Variants in CSMD1 observed in about 807,000 individuals in gnomAD.
The protein encoded by CSMD1 is CUB and sushi domain-containing protein 1.
Under a neutral mutation model 417.5 loss-of-function variants are expected in CSMD1, and 213 were observed. That is an observed-to-expected ratio of 0.51 (90% CI 0.46 to 0.57). The LOEUF is 0.57. Ranked by LOEUF, CSMD1 falls within the 20% of genes least tolerant of loss-of-function variation. The pLI is 0.00. For missense variants in CSMD1, 6,923 were observed against 4,529.7 expected (o/e 1.53, Z -15.17); for synonymous variants, 2,862 against 1,736.8 (o/e 1.65, Z -16.11).
At chr8:3,621,305 T>G (rs1304675423) in intron 7 of CSMD1, among the ~76,000 whole-genome samples, 1 of 152,088 alleles carries the variant, frequency 6.6e-6, no homozygotes, top group Admixed American at 6.6e-5. Context: ...AGTTAATAAG[T>G]AACAGAATGC....
At chr8:4,961,238 G>A (rs1467982287) in intron 1 of CSMD1, among the ~76,000 whole-genome samples, 1 of 151,898 alleles carries the variant, frequency 6.6e-6, no homozygotes, top group East Asian at 1.9e-4. Flanking sequence ...TAACACTTCT[G>A]CAGTTATATA....
In CSMD1 at chr8:4,850,573, C is replaced by T. The variant is rs79695712; in HGVS notation, c.85+143759G>A. On this transcript the variant is annotated intron_variant, in intron 1 of 69. Transcript: ENST00000635120. ...CCAGCACTCTCTCCCAGGACTTCAG[C>T]GAAGTAGAAATCCTTCATCCTCTCT... 7.4e-3 allele frequency among the ~76,000 whole-genome samples: 1,133 copies of T among 152,082 alleles called. 16 individuals are homozygous for T. The highest frequency in any genetic ancestry group is 0.026 in the African/African-American group (1,069 of 41,466).
At chr8:4,346,905 C>G (rs1800806492) in intron 3 of CSMD1, among the ~76,000 whole-genome samples, 1 of 152,066 alleles carries the variant, frequency 6.6e-6, no homozygotes, top group Admixed American at 6.6e-5. Context: ...CCTGGCTGGA[C>G]CTCAATCTTT....
chr8:3,248,615 C>T (rs1269023201), intron 26 of CSMD1, among the ~76,000 whole-genome samples: 1 of 139,848 alleles, frequency 7.2e-6, no homozygotes, highest in Admixed American at 8.2e-5. Context: ...CTGCAAGTTC[C>T]ACCTCCTGGG....
At chr8:3,593,826 C>T (rs952675651) in intron 8 of CSMD1, among the ~76,000 whole-genome samples, 3 of 152,128 alleles carry the variant, frequency 2.0e-5, no homozygotes, top group African/African-American at 7.2e-5. Context: ...ATCTCTTTCT[C>T]CCTATCTCCC....
intron 25 of CSMD1, among the ~76,000 whole-genome samples, chr8:3,302,718 C>A (rs1324727049): frequency 6.6e-6 from 1 of 152,134 alleles, no homozygotes; most frequent in Non-Finnish European, 1.5e-5. Context: ...TGATGATGTG[C>A]CTCGTTATCC....
At chr8:4,568,367 A>G (rs1299150442) in intron 2 of CSMD1, among the ~76,000 whole-genome samples, 1 of 152,134 alleles carries the variant, frequency 6.6e-6, no homozygotes, top group African/African-American at 2.4e-5. Flanking sequence ...GACTGAGAAC[A>G]TGCGTTGTTT....
At chr8:3,692,264 T>C (rs1800290778) in intron 7 of CSMD1, among the ~76,000 whole-genome samples, 1 of 152,146 alleles carries the variant, frequency 6.6e-6, no homozygotes, top group Non-Finnish European at 1.5e-5. Flanking sequence ...TATCCTGCGA[T>C]TTCACCAGCA....
At position 4,065,433 on chromosome 8, in the gene CSMD1, A is replaced by T. The variant is rs544247907; in HGVS notation, c.416-33334T>A. Among the ~76,000 whole-genome samples the T allele has an allele frequency of 1.2e-4, 19 of 152,344 alleles. 1 individual carries two copies. In the South Asian group the frequency reaches 3.9e-3, roughly 32 times the overall value. ...TGTAAAACTTCTAGAGAATAATTGA[A>T]TCAATATAATAGGAAATTTGGCTTT... On this transcript the variant is annotated intron_variant, in intron 3 of 69. Coordinates refer to ENST00000635120, the MANE Select transcript of CSMD1 (RefSeq NM_033225.6).
At chr8:3,806,989 G>A (rs1427926473) in intron 5 of CSMD1, among the ~76,000 whole-genome samples, 3 of 152,142 alleles carry the variant, frequency 2.0e-5, no homozygotes, top group East Asian at 3.9e-4. Context: ...GCTACTAGGT[G>A]CCAGATAAAA....
At chr8:4,415,067 CT>C (rs961328752) in intron 3 of CSMD1, among the ~76,000 whole-genome samples, 44 of 152,100 alleles carry the variant, frequency 2.9e-4, no homozygotes, top group African/African-American at 1.0e-3. Context: ...AGTAATTCAG[CT>C]TTTTTTGCAA....
chr8:3,432,354 C>G (rs181153118), intron 12 of CSMD1, among the ~76,000 whole-genome samples: 5 of 152,168 alleles, frequency 3.3e-5, no homozygotes, highest in African/African-American at 1.2e-4. Flanking sequence ...TTAGCATTGT[C>G]AAGTGATGAA....
intron 3 of CSMD1, among the ~76,000 whole-genome samples, chr8:4,164,037 G>C (rs1426990295): frequency 6.6e-6 from 1 of 152,116 alleles, no homozygotes; most frequent in Non-Finnish European, 1.5e-5. Flanking sequence ...GTTGGTACAT[G>C]TGTCATTCCC....
At chr8:4,598,184 G>A (rs536983811) in intron 2 of CSMD1, among the ~76,000 whole-genome samples, 30 of 152,210 alleles carry the variant, frequency 2.0e-4, no homozygotes, top group African/African-American at 5.8e-4. Flanking sequence ...TTTGTAAAAC[G>A]GAATTATCAT....
intron 2 of CSMD1, among the ~76,000 whole-genome samples, chr8:4,530,314 C>CTTTTTTTTTTTGTTTTTTTTTTTTTTT (rs1796739908): frequency 2.1e-5 from 1 of 46,658 alleles, no homozygotes. Context: ...ACAGGTAGTG[C>CTTTTTTTTTTTGTTTTTTTTTTTTTTT]TTTTTTTTTT....
At chr8:3,972,988 A>C (rs1442289067) in intron 5 of CSMD1, among the ~76,000 whole-genome samples, 1 of 152,266 alleles carries the variant, frequency 6.6e-6, no homozygotes, top group Non-Finnish European at 1.5e-5. Context: ...AAAAACATTT[A>C]CTGCTTAAAT....
intron 3 of CSMD1, among the ~76,000 whole-genome samples, chr8:4,111,820 G>A (rs1801872963): frequency 1.3e-5 from 2 of 152,060 alleles, no homozygotes; most frequent in Non-Finnish European, 1.5e-5. Context: ...TACATATGGG[G>A]CTTGAATCCT....
chr8:3,937,743 A>G (rs1810604522), intron 5 of CSMD1, among the ~76,000 whole-genome samples: 1 of 152,160 alleles, frequency 6.6e-6, no homozygotes, highest in Non-Finnish European at 1.5e-5. Flanking sequence ...CAGGTACGAT[A>G]TTACTGATTA....
chr8:3,499,587 G>GCATA (rs1274497455), intron 10 of CSMD1, among the ~76,000 whole-genome samples: 1 of 152,058 alleles, frequency 6.6e-6, no homozygotes, highest in Non-Finnish European at 1.5e-5. Context: ...GTGCTTGTTG[G>GCATA]TAGTGTGCCT....
Sources: allele counts gnomAD v4.1 joint callset (sites outside exome capture counted in the v4.1 genomes callset), GRCh38; gene constraint gnomAD v4.1.1; transcripts MANE v1.5; gene names NCBI Gene and HGNC (gene_info 2026-07-23, HGNC 2026-07-21).